The following ZNF746 variants were observed in gnomAD, a reference collection of about 807,000 sequenced individuals.
ZNF746 encodes zinc finger protein 746.
A neutral mutation model predicts 41.0 loss-of-function variants in ZNF746; 13 were observed. The ratio of observed to expected loss-of-function variants is 0.32; its 90% confidence interval spans 0.21 to 0.50. ZNF746 has a LOEUF of 0.50. Ranked by LOEUF, ZNF746 falls within the 20% of genes least tolerant of loss-of-function variation. ZNF746 has a pLI of 0.98. For synonymous variants in ZNF746, 424 were observed against 396.2 expected, an observed-to-expected ratio of 1.07 and a Z score of -0.83; for missense variants, 811 against 922.9, an observed-to-expected ratio of 0.88 and a Z score of 1.57.
chr7:149,491,443 G>C (rs1800805004), intron 4 of ZNF746: 2 of 159,918 alleles, frequency 1.3e-5, no homozygotes, highest in Non-Finnish European at 2.8e-5. Flanking sequence ...TAGGAAGCTG[G>C]GGACGCGCAC....
At chr7:149,475,782 G>T (rs1011442436) in intron 6 of ZNF746, among the ~76,000 whole-genome samples, 6 of 152,166 alleles carry the variant, frequency 3.9e-5, no homozygotes, top group Non-Finnish European at 7.3e-5. Flanking sequence ...AAAGGAATTC[G>T]AACTGCTGCA....
At position 149,474,824 on chromosome 7, in the gene ZNF746, T is replaced by TGCCGCCACC. The variant is rs1003243639; in HGVS notation, c.1534_1542dup (p.Gly512_Gly514dup). 1.4e-6 allele frequency: 2 copies of TGCCGCCACC among 1,431,200 alleles called. No homozygotes were observed. The highest frequency in any genetic ancestry group is 1.5e-5 in the African/African-American group (1 of 66,280). 88.7% of individuals were successfully genotyped at this position (1,431,200 alleles called of 1,614,324 possible). A position where few individuals can be genotyped will look rare whatever the true frequency, so the allele number is the denominator to read the frequency against. The stretch of plus-strand genomic sequence containing the variant: ...CCATCCCGTGCGCTGCCCCCACCGC[T>TGCCGCCACC]GCCGCCACCGCCGCCGCCACTGCCG... On this transcript the variant is annotated inframe_insertion, in exon 7 of 7. Coordinates refer to ENST00000458143, the MANE Select transcript of ZNF746 (RefSeq NM_001394198.1). The surrounding 1 kb of genome is among the most constrained non-coding windows in gnomAD (Gnocchi z 6.3).
At chr7:149,488,304 GAGA>G (rs1800686302) in intron 4 of ZNF746, 1 of 151,930 alleles carries the variant, frequency 6.6e-6, no homozygotes, top group African/African-American at 2.4e-5. Context: ...AAAAAAAATA[GAGA>G]AGAGTATCTT....
At chr7:149,493,842 C>G (rs1221064722) in intron 3 of ZNF746, 147 bp downstream of exon 3, 1 of 1,342,348 alleles carries the variant, frequency 7.4e-7, no homozygotes, top group Non-Finnish European at 1.0e-6. Flanking sequence ...TCACCCAGGG[C>G]TCATCCTTCA....
chr7:149,475,189 A>T lies in ZNF746; in HGVS notation c.1178T>A (p.Val393Asp). ...ACACCGGAAATTCCAGCCCCACCGG[A>T]CCCCTCCGAAGAGCCAGTCCCCAGG... ...TPPGDWLFGG[V>D]RWGWNFRCKP... Residue 393 changes from valine (V) to aspartate (D), a missense_variant, in exon 7 of 7, where the codon GTC (valine) becomes GAC (aspartate). Transcript: ENST00000458143. 6.2e-7 allele frequency: 1 copy of T among 1,611,838 alleles called. No individual in the cohort carries two copies. Among genetic ancestry groups the T allele is most frequent in the Non-Finnish European group, 8.5e-7 (1 of 1,179,532 alleles).
chr7:149,489,643 C>T (rs1305778966), intron 4 of ZNF746: 1 of 152,772 alleles, frequency 6.5e-6, no homozygotes, highest in Non-Finnish European at 1.5e-5. Context: ...GAACAGCACT[C>T]TGCAGCTGGG....
chr7:149,475,660 C>A (rs1042293019), intron 6 of ZNF746, among the ~76,000 whole-genome samples, 177 bp from the exon 7 acceptor site: 2 of 152,312 alleles, frequency 1.3e-5, no homozygotes, highest in African/African-American at 2.4e-5. Flanking sequence ...CTGCCTCCCC[C>A]TCGAGGACAC....
rs981016799 is a variant in ZNF746, at chr7:149,476,796, T to C, written c.883+126A>G. On this transcript the variant is annotated intron_variant, in intron 6 of 6. Transcript: ENST00000458143. ...CAGAATGTGCAAAGGGTCATAAGAG[T>C]GCAGACACCCTAATGTCTGTTGGCT... 11 of 1,295,520 alleles carry C rather than the reference T, an allele frequency of 8.5e-6. 2 individuals carry two copies. The highest frequency in any genetic ancestry group is 2.3e-5 in the East Asian group (1 of 42,966). 80.3% of individuals were successfully genotyped at this position (1,295,520 alleles called of 1,614,324 possible).
intron 5 of ZNF746, among the ~76,000 whole-genome samples, chr7:149,477,259 G>A (rs988766161): frequency 1.1e-4 from 16 of 152,220 alleles, no homozygotes; most frequent in African/African-American, 3.6e-4. Context: ...TTTCCCACGG[G>A]CCCCTCTCGA....
chr7:149,492,608 G>A lies in ZNF746; in HGVS notation c.565+251C>T, dbSNP rs540504694. Among the ~76,000 whole-genome samples, 20 of 152,242 alleles carry A rather than the reference G, an allele frequency of 1.3e-4. No homozygotes were observed. The South Asian group carries it at 4.1e-3, about 32-fold the overall frequency. Reference sequence around the variant, plus strand: ...GTTCTCCTCTCCCTCCCCTCAACCTGTGCCCTGCCTTTGTCTCTTCCTAAA... The same window carrying A: ...GTTCTCCTCTCCCTCCCCTCAACCTATGCCCTGCCTTTGTCTCTTCCTAAA... On this transcript the variant is annotated intron_variant, in intron 4 of 6. Transcript: ENST00000458143.
chr7:149,474,264 G>T lies in ZNF746; in HGVS notation c.*120C>A. On this transcript the variant is annotated 3_prime_UTR_variant, in exon 7 of 7. Coordinates refer to ENST00000458143, the MANE Select transcript of ZNF746 (RefSeq NM_001394198.1). The surrounding 1 kb of genome is among the most constrained non-coding windows in gnomAD (Gnocchi z 6.3). ...TCTTTCTCCAGTGATCATCAGTTCA[G>T]CAACTTGGACATTTGGTTCTCCCCG... The T allele has an allele frequency of 8.5e-7, 1 of 1,175,078 alleles. No individual in the cohort carries two copies. The highest frequency in any genetic ancestry group is 1.5e-5 in the South Asian group (1 of 68,152). The allele number at this position is 1,175,078 out of a possible 1,614,324, so 72.8% of individuals were successfully genotyped here. A position where few individuals can be genotyped will look rare whatever the true frequency, so the allele number is the denominator to read the frequency against.
Position 149,494,026 on chromosome 7 carries a change from G to A in ZNF746, c.414C>T (p.His138=), listed in dbSNP as rs757431619. 24 of 1,614,014 alleles carry A rather than the reference G, an allele frequency of 1.5e-5. No homozygotes were observed. The highest frequency in any genetic ancestry group is 3.3e-5 in the South Asian group (3 of 91,084). ...GCGTCTCGTAGTTGCCCCTCATCAC[G>A]TGCTTGTAGAGCTCCTTCTGCCAGT... The part of the protein sequence containing the change: ...LEDWQKELYK[H]VMRGNYETLV... The change falls in exon 3 of 7, where the codon CAC becomes CAT. Residue 138 remains histidine (H), a synonymous_variant. Coordinates refer to ENST00000458143, the MANE Select transcript of ZNF746 (RefSeq NM_001394198.1). This position sits in a 1 kb window ranked among gnomAD's most constrained non-coding sequence, Gnocchi z 5.6.
chr7:149,477,888 G>A (rs1200742875), intron 4 of ZNF746, 133 bp from the exon 5 acceptor site: 1 of 698,986 alleles, frequency 1.4e-6, no homozygotes. Flanking sequence ...TGGGAAGGGA[G>A]GCAGCAGCAA....
Position 149,497,011 on chromosome 7 carries a change from A to G in ZNF746, c.24+502T>C. On this transcript the variant is annotated intron_variant, in intron 1 of 6. Coordinates refer to ENST00000458143, the MANE Select transcript of ZNF746 (RefSeq NM_001394198.1). This position sits in a 1 kb window ranked among gnomAD's most constrained non-coding sequence, Gnocchi z 4.2. ...GCTGTGAGGACAGACTAACGCCTCA[A>G]CAGGGCTTGTGGAAGTGCGTGGCTC... The G allele has an allele frequency of 1.0e-6, 1 of 985,418 alleles. No individual in the cohort carries two copies. The highest frequency in any genetic ancestry group is 4.7e-5 in the South Asian group (1 of 21,286). 61.0% of individuals were successfully genotyped at this position (985,418 alleles called of 1,614,324 possible).
chr7:149,474,244 C>T lies in ZNF746; in HGVS notation c.*140G>A. On this transcript the variant is annotated 3_prime_UTR_variant, in exon 7 of 7. Coordinates refer to ENST00000458143, the MANE Select transcript of ZNF746 (RefSeq NM_001394198.1). This position sits in a 1 kb window ranked among gnomAD's most constrained non-coding sequence, Gnocchi z 6.3. ...CTGTCCTGGTGGATAGTTTCTCTTT[C>T]TCCAGTGATCATCAGTTCAGCAACT... is the stretch of plus-strand genomic sequence containing the variant. 1 of 963,464 alleles carries T rather than the reference C, an allele frequency of 1.0e-6. No homozygotes were observed. 59.7% of individuals were successfully genotyped at this position (963,464 alleles called of 1,614,324 possible).
chr7:149,491,775 G>A (rs1352021909), intron 4 of ZNF746: 44 of 670,358 alleles, frequency 6.6e-5, no homozygotes, highest in Non-Finnish European at 1.2e-4. Flanking sequence ...AGGTGGGACG[G>A]TCAAGGGCGG....
At chr7:149,496,711 T>C in intron 1 of ZNF746, 1 of 581,930 alleles carries the variant, frequency 1.7e-6, no homozygotes, top group Non-Finnish European at 2.2e-6. Flanking sequence ...GCGCAGAGCA[T>C]CAGGCCAGGA....
Position 149,492,907 on chromosome 7 carries a change from G to T in ZNF746, c.517C>A (p.Arg173Ser). ...TCTGGAATCTTGGGGCCAGGGCGGC[G>T]CCAGTTGCAGGGCTCCTTCCCTTGT... Reference protein sequence around the residue: ...IEQGKEPCNWRRPGPKIPDVP... With the variant: ...IEQGKEPCNWSRPGPKIPDVP... The change falls in exon 4 of 7, where the codon CGC becomes AGC. Residue 173 changes from arginine (R) to serine (S), a missense_variant. Coordinates refer to ENST00000458143, the MANE Select transcript of ZNF746 (RefSeq NM_001394198.1). 1.2e-6 allele frequency: 2 copies of T among 1,613,990 alleles called. No homozygotes were observed. Among genetic ancestry groups the T allele is most frequent in the South Asian group, 1.1e-5 (1 of 91,080 alleles).
intron 4 of ZNF746, among the ~76,000 whole-genome samples, chr7:149,478,916 C>G (rs190935107): frequency 1.0e-3 from 156 of 152,284 alleles, no homozygotes; most frequent in Non-Finnish European, 1.9e-3. Context: ...CAACAACAGA[C>G]TGAACACAGC....
Sources: gnomAD v4.1 joint callset for allele counts (sites outside exome capture counted in the v4.1 genomes callset) on GRCh38, gnomAD v4.1.1 for gene constraint, Gnocchi (gnomAD v3.1) non-coding constraint, MANE v1.5 for transcripts, NCBI Gene and HGNC (gene_info 2026-07-23, HGNC 2026-07-21) for gene names.